Variants in PFKFB3 observed in about 807,000 individuals in gnomAD.
PFKFB3 encodes 6-phosphofructo-2-kinase/fructose-2,6-biphosphatase 3.
PFKFB3 carries 33 observed loss-of-function variants against 68.0 expected under a neutral mutation model. That is an observed-to-expected ratio of 0.49 (90% confidence interval 0.37 to 0.65). The LOEUF (loss-of-function observed/expected upper bound fraction) is 0.65, where lower values mean the gene tolerates loss of function less well. PFKFB3 is among the 30% of genes least tolerant of loss of function. PFKFB3 has a pLI of 0.00. For synonymous variants in PFKFB3, 315 were observed against 288.2 expected (o/e 1.09, Z -0.94); for missense variants, 586 against 712.2 (o/e 0.82, Z 2.02).
chr10:6,266,286 C>T, the PFKFB3 span, among the ~76,000 whole-genome samples: 1 of 152,168 alleles, frequency 6.6e-6, no homozygotes, highest in Non-Finnish European at 1.5e-5. Flanking sequence ...TATTTTGACA[C>T]TCAAATTGTC....
At chr10:6,219,431 T>C in intron 6 of PFKFB3, 138 bp from the exon 7 acceptor site, 1 of 883,120 alleles carries the variant, frequency 1.1e-6, no homozygotes, top group South Asian at 1.5e-5. Context: ...TCTTTCTCCC[T>C]TTCTCTTACA....
Position 6,220,586 on chromosome 10 carries a change from CGGAGACGGGCCA to C in PFKFB3, c.624-69_624-58del. ...TGCTGTTCTCTGGGGATCACATCTT[CGGAGACGGGCCA>C]GGTGCATCCTGCTGTGGGTGGTGGC... On this transcript the variant is annotated intron_variant, in intron 7 of 14. Coordinates refer to ENST00000379775, the MANE Select transcript of PFKFB3 (RefSeq NM_004566.4). The surrounding 1 kb of genome is among the most constrained non-coding windows in gnomAD (Gnocchi z 4.1). 7.2e-7 allele frequency: 1 copy of C among 1,393,058 alleles called. No individual in the cohort carries two copies. The highest frequency in any genetic ancestry group is 1.2e-5 in the South Asian group (1 of 85,372). The allele number at this position is 1,393,058 out of a possible 1,614,324, so 86.3% of individuals were successfully genotyped here.
the PFKFB3 span, among the ~76,000 whole-genome samples, chr10:6,325,698 A>G: frequency 3.7e-4 from 57 of 152,358 alleles, no homozygotes; most frequent in South Asian, 0.011. Flanking sequence ...GTTAATGCTC[A>G]ATTTAAAATA....
At chr10:6,213,883 G>A (rs2131938256) in intron 2 of PFKFB3, 135 bp downstream of exon 2, 1 of 869,862 alleles carries the variant, frequency 1.1e-6, no homozygotes, top group Non-Finnish European at 1.8e-6. Flanking sequence ...TGCCTCCCAT[G>A]CAGCTGGGTC....
At chr10:6,196,047 C>T (rs1393134499) in intron 1 of PFKFB3, among the ~76,000 whole-genome samples, 3 of 151,780 alleles carry the variant, frequency 2.0e-5, no homozygotes, top group Admixed American at 6.6e-5. Context: ...AAACACTATT[C>T]GGGGGAGAGG....
Position 6,229,280 on chromosome 10 carries a change from T to G in PFKFB3, c.1515+2915T>G, listed in dbSNP as rs1162645519. On this transcript the variant is annotated intron_variant, in intron 14 of 14. Coordinates refer to ENST00000379775, the MANE Select transcript of PFKFB3 (RefSeq NM_004566.4). The surrounding 1 kb of genome is among the most constrained non-coding windows in gnomAD (Gnocchi z 4.3). ...CGTTCCTTAAGACCACCCTGGGAGG[T>G]CGGCAGGGCAGTCAGTCCCCCGTTT... 1 of 428,178 alleles carries G rather than the reference T, an allele frequency of 2.3e-6. No individual in the cohort carries two copies. The highest frequency in any genetic ancestry group is 2.5e-5 in the Admixed American group (1 of 39,904). The allele number at this position is 428,178 out of a possible 1,614,324, so 26.5% of individuals were successfully genotyped here.
chr10:6,222,762 TGGC>T, intron 10 of PFKFB3, 90 bp from the exon 11 acceptor site: 1 of 1,365,556 alleles, frequency 7.3e-7, no homozygotes, highest in South Asian at 1.4e-5. Flanking sequence ...TGATTTTGCG[TGGC>T]TCTCTGGCCG....
intron 1 of PFKFB3, among the ~76,000 whole-genome samples, chr10:6,172,128 T>C (rs1031028654): frequency 3.3e-5 from 5 of 152,250 alleles, no homozygotes; most frequent in African/African-American, 1.2e-4. Flanking sequence ...AGAAAGCCCC[T>C]GCTGGCTCAC....
At chr10:6,207,615 G>A (rs971430178) in intron 1 of PFKFB3, among the ~76,000 whole-genome samples, 9 of 152,180 alleles carry the variant, frequency 5.9e-5, no homozygotes, top group African/African-American at 2.2e-4. Context: ...TTGCTGAAGA[G>A]GGTGTCTAGG....
chr10:6,179,026 C>A (rs1482196317), intron 1 of PFKFB3, among the ~76,000 whole-genome samples: 1 of 152,216 alleles, frequency 6.6e-6, no homozygotes, highest in African/African-American at 2.4e-5. Flanking sequence ...CTGGTGGAGT[C>A]GTTCTAAAAA....
intron 1 of PFKFB3, chr10:6,149,982 G>T (rs11256996): frequency 0.31 from 47,715 of 152,110 alleles, 8,204 homozygotes; most frequent in South Asian, 0.46. Flanking sequence ...TTCATCTGTT[G>T]TTGGACACCT....
intron 1 of PFKFB3, among the ~76,000 whole-genome samples, chr10:6,177,372 C>CT (rs886351542): frequency 5.6e-5 from 6 of 106,282 alleles, no homozygotes; most frequent in South Asian, 7.9e-4. Flanking sequence ...TTCTTTCTTT[C>CT]TTTCTTTCTT....
At chr10:6,265,009 C>G in the PFKFB3 span, among the ~76,000 whole-genome samples, 13 of 151,984 alleles carry the variant, frequency 8.6e-5, no homozygotes, top group Non-Finnish European at 1.9e-4. Context: ...CGGTCTCATT[C>G]AGAGACACCT....
At chr10:6,151,859 C>T (rs914771371) in intron 1 of PFKFB3, among the ~76,000 whole-genome samples, 3 of 151,874 alleles carry the variant, frequency 2.0e-5, no homozygotes, top group East Asian at 2.0e-4. Context: ...CTGTGGCTGT[C>T]GGGCGGCAGG....
In PFKFB3 at chr10:6,250,216, C is replaced by T. The variant is rs117032441; in HGVS notation, c.1516-3962C>T. Among the ~76,000 whole-genome samples, 829 of 152,208 alleles carry T rather than the reference C, an allele frequency of 5.4e-3. 6 individuals carry two copies. Among genetic ancestry groups the T allele is most frequent in the Non-Finnish European group, 8.9e-3 (603 of 68,004 alleles). On this transcript the variant is annotated intron_variant, in intron 14 of 14. Transcript: ENST00000640683. Reference sequence around the variant, plus strand: ...TAACACATAAAATATAAGAGATGTGCTATGGTTTGAATGTGTCCTCTCCAA... The same window carrying T: ...TAACACATAAAATATAAGAGATGTGTTATGGTTTGAATGTGTCCTCTCCAA...
intron 1 of PFKFB3, among the ~76,000 whole-genome samples, chr10:6,182,657 C>T (rs1432295332): frequency 2.0e-5 from 3 of 152,256 alleles, no homozygotes. Context: ...CTCCCAGCCT[C>T]AGGCCCTGTT....
In PFKFB3 at chr10:6,220,361, C is replaced by T. The variant is rs1374992106; in HGVS notation, c.624-297C>T. On this transcript the variant is annotated intron_variant, in intron 7 of 14. Coordinates refer to ENST00000379775, the MANE Select transcript of PFKFB3 (RefSeq NM_004566.4). This position sits in a 1 kb window ranked among gnomAD's most constrained non-coding sequence, Gnocchi z 4.1. The stretch of plus-strand genomic sequence containing the variant: ...CAAGCAATCCTCTTGCCTCGGCCTC[C>T]CAAAGTGCTGGGATTACAGGCATGA... Among the ~76,000 whole-genome samples the T allele has an allele frequency of 6.6e-6, 1 of 152,168 alleles. No individual in the cohort carries two copies. The highest frequency in any genetic ancestry group is 1.5e-5 in the Non-Finnish European group (1 of 68,036).
At chr10:6,179,165 T>C (rs1269526930) in intron 1 of PFKFB3, among the ~76,000 whole-genome samples, 1 of 152,246 alleles carries the variant, frequency 6.6e-6, no homozygotes, top group Non-Finnish European at 1.5e-5. Flanking sequence ...TGCCTTGTTT[T>C]ACTGGAGGAG....
chr10:6,258,880 A>G (rs987562789), downstream of PFKFB3, among the ~76,000 whole-genome samples: 16 of 152,224 alleles, frequency 1.1e-4, no homozygotes, highest in Non-Finnish European at 1.9e-4. Flanking sequence ...AGGAATGACC[A>G]TGGAAAGGCC....
Sources: allele counts gnomAD v4.1 joint callset (sites outside exome capture counted in the v4.1 genomes callset), GRCh38; gene constraint gnomAD v4.1.1; non-coding constraint Gnocchi (gnomAD v3.1); transcripts MANE v1.5; gene names NCBI Gene and HGNC (gene_info 2026-07-23, HGNC 2026-07-21).